The following PTH2R variants were observed in gnomAD, a reference collection of about 807,000 sequenced individuals.
The protein encoded by PTH2R is parathyroid hormone 2 receptor.
In PTH2R, 59 loss-of-function variants were observed where a neutral mutation model predicts 60.3. The ratio of observed to expected loss-of-function variants is 0.98; its 90% CI spans 0.79 to 1.22. The LOEUF (loss-of-function observed/expected upper bound fraction) is 1.22, where lower values mean the gene tolerates loss of function less well. Among genes scored for constraint, PTH2R ranks in the 50% most tolerant of loss-of-function variants. The pLI is 0.00. For missense variants in PTH2R, 749 were observed against 682.6 expected (o/e 1.10, Z -1.08); for synonymous variants, 256 against 243.8 (o/e 1.05, Z -0.47).
Position 208,493,333 on chromosome 2 carries a change from T to A in PTH2R, c.1327T>A (p.Cys443Ser). The A allele has an allele frequency of 6.4e-7, 1 of 1,564,946 alleles. No individual in the cohort carries two copies. The highest frequency in any genetic ancestry group is 8.7e-7 in the Non-Finnish European group (1 of 1,152,970). ...LSVDWKRTPP[C>S]GSRRCGSVLT... is the part of the protein sequence containing the mutation. ...CGTGGACTGGAAAAGGACACCGCCA[T>A]GTGGCAGCCGCAGATGCGGCTCAGT... Residue 443 changes from cysteine (C) to serine (S), a missense_variant, in exon 13 of 13, where the codon TGT becomes AGT. By Grantham distance (112) the Cys-to-Ser change is moderately radical. Coordinates refer to ENST00000272847, the MANE Select transcript of PTH2R (RefSeq NM_005048.4).
At chr2:208,457,132 C>G (rs1702531040) in intron 8 of PTH2R, among the ~76,000 whole-genome samples, 1 of 152,316 alleles carries the variant, frequency 6.6e-6, no homozygotes. Flanking sequence ...ATCCGAAAGC[C>G]TTGTAGCTTA....
rs766921997 is a variant in PTH2R, at chr2:208,428,211, A to G, written c.86A>G (p.Asp29Gly). ...TGTTCACTTCTACAGCTGGATTCTGATGGCACCATTACTATAGAGGAGCAG... is the reference window on the plus strand; with the variant it reads ...TGTTCACTTCTACAGCTGGATTCTGGTGGCACCATTACTATAGAGGAGCAG... Reference protein sequence around the residue: ...CLLARAQLDSDGTITIEEQIV... With the variant: ...CLLARAQLDSGGTITIEEQIV... Residue 29 changes from aspartate to glycine, a missense_variant, in exon 2 of 13, where the codon GAT becomes GGT. By Grantham distance (94) the Asp-to-Gly change is moderately conservative. Transcript: ENST00000272847. 1.1e-5 allele frequency: 18 copies of G among 1,611,570 alleles called. No individual in the cohort carries two copies. Among genetic ancestry groups the G allele is most frequent in the Non-Finnish European group, 1.7e-6 (2 of 1,178,234 alleles).
intron 9 of PTH2R, among the ~76,000 whole-genome samples, chr2:208,474,634 CTG>C (rs1702958836): frequency 6.6e-6 from 1 of 152,186 alleles, no homozygotes; most frequent in South Asian, 2.1e-4. Context: ...GGAGATCAGA[CTG>C]TGGAGTTTGA....
At chr2:208,451,829 AT>A (rs1204064142) in intron 8 of PTH2R, among the ~76,000 whole-genome samples, 1 of 152,152 alleles carries the variant, frequency 6.6e-6, no homozygotes, top group Non-Finnish European at 1.5e-5. Context: ...AAAATGTATC[AT>A]TTTTAAGGAT....
chr2:208,448,402 C>T (rs1029075946), intron 7 of PTH2R, among the ~76,000 whole-genome samples: 5 of 151,534 alleles, frequency 3.3e-5, no homozygotes, highest in African/African-American at 1.2e-4. Flanking sequence ...GAAAATAACT[C>T]CACTTTGGGA....
chr2:208,480,069 C>T (rs1437418), intron 9 of PTH2R, among the ~76,000 whole-genome samples: 85,740 of 151,918 alleles, frequency 0.56, 27,054 homozygotes, highest in Non-Finnish European at 0.69. Flanking sequence ...TGTCAGTGGT[C>T]GGATAGCAGT....
At chr2:208,453,360 C>T (rs963570100) in intron 8 of PTH2R, among the ~76,000 whole-genome samples, 8 of 152,204 alleles carry the variant, frequency 5.3e-5, no homozygotes, top group Non-Finnish European at 8.8e-5. Context: ...ACCATAACTA[C>T]AAATGCTCTA....
intron 9 of PTH2R, among the ~76,000 whole-genome samples, chr2:208,465,895 A>ATTTT (rs1574898917): frequency 6.6e-6 from 1 of 151,028 alleles, no homozygotes; most frequent in Non-Finnish European, 1.5e-5. Context: ...TTTTTTTTTA[A>ATTTT]AAATCCAAAT....
intron 1 of PTH2R, among the ~76,000 whole-genome samples, chr2:208,375,358 C>T (rs1482983211): frequency 6.6e-6 from 1 of 152,040 alleles, no homozygotes; most frequent in African/African-American, 2.4e-5. Flanking sequence ...GAAGAAGGCT[C>T]TATTAGCTAA....
At chr2:208,394,519 C>A (rs564640923) in intron 1 of PTH2R, among the ~76,000 whole-genome samples, 8 of 152,338 alleles carry the variant, frequency 5.3e-5, no homozygotes, top group Non-Finnish European at 7.3e-5. Flanking sequence ...GCAGGCATGA[C>A]CCTCTAAGCC....
At position 208,480,971 on chromosome 2, in the gene PTH2R, T is replaced by C; in HGVS notation, c.982-99T>C. The C allele has an allele frequency of 4.7e-6, 4 of 857,648 alleles. No homozygotes were observed. The South Asian group carries it at 6.5e-5, about 14-fold the overall frequency. 53.1% of individuals were successfully genotyped at this position (857,648 alleles called of 1,614,324 possible). Reference sequence around the variant, plus strand: ...CTGTTCACATTTATGAAATGGGCAATTTTTCTTATTTGAATGGAAAAAATT... The same window carrying C: ...CTGTTCACATTTATGAAATGGGCAACTTTTCTTATTTGAATGGAAAAAATT... On this transcript the variant is annotated intron_variant, in intron 9 of 12. Transcript: ENST00000272847.
At chr2:208,452,333 C>T (rs1283935448) in intron 8 of PTH2R, among the ~76,000 whole-genome samples, 1 of 152,132 alleles carries the variant, frequency 6.6e-6, no homozygotes, top group Non-Finnish European at 1.5e-5. Context: ...TTGGAATGTA[C>T]TGATAGTAAG....
intron 1 of PTH2R, among the ~76,000 whole-genome samples, chr2:208,390,560 C>T (rs987104388): frequency 2.7e-4 from 41 of 152,212 alleles, no homozygotes; most frequent in African/African-American, 7.9e-4. Context: ...TTACTAAGTC[C>T]GATAAAAAGT....
chr2:208,378,218 C>T lies in PTH2R; in HGVS notation c.-259+17981C>T, dbSNP rs1308661631. On this transcript the variant is annotated intron_variant, in intron 1 of 12. Transcript: ENST00000617735. ...AAACCCTGTCTCCACCAAAAAAATACGAAAACCAGTCAGGCGTGGCGGCGC... is the reference window on the plus strand; with the variant it reads ...AAACCCTGTCTCCACCAAAAAAATATGAAAACCAGTCAGGCGTGGCGGCGC... 2.6e-4 allele frequency among the ~76,000 whole-genome samples: 39 copies of T among 151,214 alleles called. 1 individual carries two copies. Among genetic ancestry groups the T allele is most frequent in the African/African-American group, 9.3e-4 (38 of 40,998 alleles).
At chr2:208,365,038 A>G (rs956329263) in intron 1 of PTH2R, among the ~76,000 whole-genome samples, 3 of 149,800 alleles carry the variant, frequency 2.0e-5, no homozygotes, top group Non-Finnish European at 3.0e-5. Flanking sequence ...CTGAATTTTT[A>G]AATTTGTTCT....
intron 12 of PTH2R, among the ~76,000 whole-genome samples, chr2:208,492,050 A>G (rs1703416289): frequency 6.6e-6 from 1 of 152,176 alleles, no homozygotes. Flanking sequence ...AGCATACTGG[A>G]TTTCCACTGC....
intron 9 of PTH2R, among the ~76,000 whole-genome samples, chr2:208,468,309 G>A (rs1385586090): frequency 6.6e-6 from 1 of 152,178 alleles, no homozygotes; most frequent in Non-Finnish European, 1.5e-5. Context: ...AATATACTGA[G>A]CAGTGTTTTA....
At chr2:208,445,673 C>T (rs1022932341) in intron 7 of PTH2R, among the ~76,000 whole-genome samples, 2 of 152,072 alleles carry the variant, frequency 1.3e-5, no homozygotes, top group East Asian at 3.9e-4. Context: ...AAGTAGCTCA[C>T]GACTAAATTT....
At chr2:208,463,924 C>G (rs1256039417) in intron 9 of PTH2R, among the ~76,000 whole-genome samples, 1 of 152,202 alleles carries the variant, frequency 6.6e-6, no homozygotes, top group Non-Finnish European at 1.5e-5. Flanking sequence ...TACAGAATGT[C>G]CACTCTCCTT....
Sources: allele counts gnomAD v4.1 joint callset (sites outside exome capture counted in the v4.1 genomes callset), GRCh38; gene constraint gnomAD v4.1.1; transcripts MANE v1.5; gene names NCBI Gene and HGNC (gene_info 2026-07-23, HGNC 2026-07-21).